The following PCDH15 variants were observed in gnomAD, a reference collection of about 807,000 sequenced individuals.
PCDH15 encodes the protein protocadherin related 15.
PCDH15 carries 129 observed loss-of-function variants against 178.5 expected under a neutral mutation model. The observed-to-expected ratio is 0.72, with a 90% CI of 0.63 to 0.84. The LOEUF is 0.84. PCDH15 is among the 40% of genes least tolerant of loss of function. The pLI, the probability that PCDH15 is intolerant of heterozygous loss-of-function variation, is 0.00. For synonymous variants in PCDH15, 800 were observed against 732.0 expected (o/e 1.09, Z -1.50); for missense variants, 2,230 against 2,099.9 (o/e 1.06, Z -1.21).
At chr10:54,643,095 T>C (rs530982795) in intron 2 of PCDH15, among the ~76,000 whole-genome samples, 1 of 152,090 alleles carries the variant, frequency 6.6e-6, no homozygotes, top group Admixed American at 6.6e-5. Context: ...GCTAATTTTT[T>C]TGTACTTTTA....
chr10:55,025,602 A>G (rs7909014), intron 2 of PCDH15, among the ~76,000 whole-genome samples: 86,498 of 151,872 alleles, frequency 0.57, 24,980 homozygotes, highest in East Asian at 0.75. Context: ...AAAATATGTA[A>G]ATTAATTATA....
chr10:55,518,931 A>G (rs1841085925), intron 2 of PCDH15, among the ~76,000 whole-genome samples: 1 of 151,666 alleles, frequency 6.6e-6, no homozygotes, highest in Non-Finnish European at 1.5e-5. Context: ...CGTCTCTACT[A>G]AAAATACAAA....
chr10:55,441,038 A>G (rs1839172293), intron 2 of PCDH15, among the ~76,000 whole-genome samples: 1 of 152,316 alleles, frequency 6.6e-6, no homozygotes, highest in Middle Eastern at 3.4e-3. Flanking sequence ...AGGATCCACA[A>G]TTCAAGATGA....
At chr10:54,648,571 G>A (rs1362878666) in intron 2 of PCDH15, among the ~76,000 whole-genome samples, 2 of 152,094 alleles carry the variant, frequency 1.3e-5, no homozygotes, top group African/African-American at 2.4e-5. Flanking sequence ...TAACTTAAAT[G>A]TAATAATACA....
At chr10:55,435,584 C>A (rs1839019146) in intron 2 of PCDH15, among the ~76,000 whole-genome samples, 1 of 152,096 alleles carries the variant, frequency 6.6e-6, no homozygotes, top group Admixed American at 6.6e-5. Context: ...GTTTAACTCC[C>A]ATCCTCCTGC....
At chr10:54,034,425 C>T (rs1236137721) in intron 18 of PCDH15, among the ~76,000 whole-genome samples, 1 of 151,894 alleles carries the variant, frequency 6.6e-6, no homozygotes, top group Non-Finnish European at 1.5e-5. Context: ...TCAGCTGTTT[C>T]ATTACCTTAA....
At chr10:54,265,695 A>G (rs528422819) in intron 8 of PCDH15, among the ~76,000 whole-genome samples, 6 of 152,226 alleles carry the variant, frequency 3.9e-5, no homozygotes, top group East Asian at 1.9e-4. Context: ...CTTAATGACA[A>G]AGGGCTCAAT....
chr10:54,434,339 C>A (rs2075239187), intron 3 of PCDH15, among the ~76,000 whole-genome samples: 1 of 152,180 alleles, frequency 6.6e-6, no homozygotes, highest in African/African-American at 2.4e-5. Flanking sequence ...CATTTAGTCA[C>A]TTCTCATTCA....
At chr10:54,158,410 C>A (rs2045372829) in intron 13 of PCDH15, among the ~76,000 whole-genome samples, 1 of 152,134 alleles carries the variant, frequency 6.6e-6, no homozygotes. Context: ...AAGGGAAAAT[C>A]TTGCCCCCAT....
At chr10:54,758,741 C>T (rs1947489209) in intron 1 of PCDH15, among the ~76,000 whole-genome samples, 1 of 152,120 alleles carries the variant, frequency 6.6e-6, no homozygotes. Flanking sequence ...ACCAATTGAA[C>T]TTTTGGGTTG....
At chr10:54,421,512 T>C (rs1955301934) in intron 3 of PCDH15, among the ~76,000 whole-genome samples, 1 of 140,648 alleles carries the variant, frequency 7.1e-6, no homozygotes, top group South Asian at 2.1e-4. Context: ...ATAAAATGAA[T>C]ATAGTTTATA....
At chr10:55,517,147 A>T (rs1445479961) in intron 2 of PCDH15, among the ~76,000 whole-genome samples, 1 of 152,080 alleles carries the variant, frequency 6.6e-6, no homozygotes, top group Non-Finnish European at 1.5e-5. Flanking sequence ...ATGATTTTAG[A>T]GGTAAGAGAG....
intron 2 of PCDH15, among the ~76,000 whole-genome samples, chr10:54,928,599 C>CA (rs1218405333): frequency 6.6e-6 from 1 of 152,142 alleles, no homozygotes; most frequent in Non-Finnish European, 1.5e-5. Context: ...TTGGTCTCTA[C>CA]ATAATTCCAT....
chr10:54,347,327 A>AC (rs1309888993), intron 5 of PCDH15, among the ~76,000 whole-genome samples: 2 of 151,912 alleles, frequency 1.3e-5, no homozygotes, highest in Non-Finnish European at 2.9e-5. Context: ...CTCCCATACC[A>AC]CCCCTCAAAT....
At chr10:55,077,810 G>T (rs1841945487) in intron 2 of PCDH15, among the ~76,000 whole-genome samples, 1 of 152,156 alleles carries the variant, frequency 6.6e-6, no homozygotes, top group African/African-American at 2.4e-5. Flanking sequence ...GCCTCTCAAA[G>T]TGCTAGGATT....
At chr10:55,078,990 T>C (rs931697968) in intron 2 of PCDH15, among the ~76,000 whole-genome samples, 1 of 152,174 alleles carries the variant, frequency 6.6e-6, no homozygotes, top group African/African-American at 2.4e-5. Flanking sequence ...ATAATTTCTC[T>C]TTGGAAAATT....
At chr10:54,622,657 TATA>T (rs2093408248) in intron 2 of PCDH15, among the ~76,000 whole-genome samples, 1 of 97,396 alleles carries the variant, frequency 1.0e-5, no homozygotes, top group Non-Finnish European at 1.9e-5. Flanking sequence ...ATATATACTA[TATA>T]ATATATATTA....
At chr10:54,174,712 T>TC (rs1179364696) in intron 13 of PCDH15, among the ~76,000 whole-genome samples, 1 of 137,636 alleles carries the variant, frequency 7.3e-6, no homozygotes, top group African/African-American at 2.7e-5. Flanking sequence ...CTTTTTTTTT[T>TC]TTTTTTTTTT....
chr10:54,846,306 T>A (rs115332384), intron 3 of PCDH15, among the ~76,000 whole-genome samples: 2,456 of 152,194 alleles, frequency 0.016, 67 homozygotes, highest in African/African-American at 0.056. Flanking sequence ...TAGAAAAAAA[T>A]TTTTTAGGTC....
Sources: gnomAD v4.1 joint callset for allele counts (sites outside exome capture counted in the v4.1 genomes callset) on GRCh38, gnomAD v4.1.1 for gene constraint, MANE v1.5 for transcripts, NCBI Gene and HGNC (gene_info 2026-07-23, HGNC 2026-07-21) for gene names.